The following FAM83C variants were observed in gnomAD, a reference collection of about 807,000 sequenced individuals.
FAM83C encodes the protein scaffolding CK1 anchoring protein C.
A neutral mutation model predicts 27.1 loss-of-function variants in FAM83C; 23 were observed. The observed-to-expected ratio is 0.85, with a 90% CI of 0.61 to 1.20. FAM83C has a LOEUF of 1.20. FAM83C is among the 50% of genes most tolerant of loss of function. The pLI is 0.00. For missense variants in FAM83C, 984 were observed against 1,001.3 expected (o/e 0.98, Z 0.23); for synonymous variants, 426 against 423.1 (o/e 1.01, Z -0.09).
rs371011447 is a variant in FAM83C at position 35,287,530 on chromosome 20, G to C, written c.1249C>G (p.Leu417Val). 6 of 1,614,070 alleles carry C rather than the reference G, an allele frequency of 3.7e-6. No homozygotes were observed. In the African/African-American group the frequency reaches 5.3e-5, roughly 14 times the overall value. Residue 417 changes from leucine (L) to valine (V), a missense_variant, in exon 4 of 4, where the codon CTA (leucine) becomes GTA (valine). Leu to Val is a conservative substitution (Grantham distance 32). Coordinates refer to ENST00000374408, the MANE Select transcript of FAM83C (RefSeq NM_178468.6). Reference protein sequence around the residue: ...PGLYRANLGKLGAYPWSQSSP... With the variant: ...PGLYRANLGKVGAYPWSQSSP... ...GACTGGGACCATGGGTATGCCCCTA[G>C]CTTGCCGAGATTGGCCCTATAGAGC...
chr20:35,288,772 GCCC>G lies in FAM83C; in HGVS notation c.681+16_681+18del, dbSNP rs1470622070. On this transcript the variant is annotated intron_variant, in intron 2 of 3. Coordinates refer to ENST00000374408, the MANE Select transcript of FAM83C (RefSeq NM_178468.6). ...CTCCCCGCCCACACCCCTGGTTACT[GCCC>G]CTGGTCCTCACTGACCGGCAGGTGC... is the stretch of plus-strand genomic sequence containing the variant. The G allele has an allele frequency of 3.8e-6, 6 of 1,592,562 alleles. No homozygotes were observed. In the South Asian group the frequency reaches 6.8e-5, roughly 18 times the overall value.
In FAM83C at chr20:35,286,454, G is replaced by A; in HGVS notation, c.*81C>T. On this transcript the variant is annotated 3_prime_UTR_variant, in exon 4 of 4. Coordinates refer to ENST00000374408, the MANE Select transcript of FAM83C (RefSeq NM_178468.6). ...TCTAGACACCTCCCTTCCCCAGTCT[G>A]GGACCTGAGCAAGTCCAGAGTCTCG... 7.1e-7 allele frequency: 1 copy of A among 1,408,912 alleles called. No homozygotes were observed. The highest frequency in any genetic ancestry group is 1.4e-5 in the African/African-American group (1 of 69,746). The allele number at this position is 1,408,912 out of a possible 1,614,324, so 87.3% of individuals were successfully genotyped here. A position where few individuals can be genotyped will look rare whatever the true frequency, so the allele number is the denominator to read the frequency against.
rs1293117056 is a variant in FAM83C, at chr20:35,288,794, C to T, written c.678G>A (p.Leu226=). ...CYKMDLNGEH[L]PNMRVRSTCG... is the part of the protein sequence containing the mutation. Reference sequence around the variant, plus strand: ...ACTGCCCCTGGTCCTCACTGACCGGCAGGTGCTCCCCATTGAGGTCCATCT... The same window carrying T: ...ACTGCCCCTGGTCCTCACTGACCGGTAGGTGCTCCCCATTGAGGTCCATCT... Residue 226 remains leucine (L), a synonymous_variant, in exon 2 of 4, where the codon CTG becomes CTA. Coordinates refer to ENST00000374408, the MANE Select transcript of FAM83C (RefSeq NM_178468.6). 6.2e-6 allele frequency: 10 copies of T among 1,608,424 alleles called. No homozygotes were observed. Among genetic ancestry groups the T allele is most frequent in the East Asian group, 2.2e-5 (1 of 44,812 alleles).
chr20:35,286,464 C>G lies in FAM83C; in HGVS notation c.*71G>C. The G allele has an allele frequency of 1.4e-6, 2 of 1,458,654 alleles. No homozygotes were observed. The highest frequency in any genetic ancestry group is 1.8e-6 in the Non-Finnish European group (2 of 1,094,144). The allele number at this position is 1,458,654 out of a possible 1,614,324, so 90.4% of individuals were successfully genotyped here. ...TCCCTTCCCCAGTCTGGGACCTGAG[C>G]AAGTCCAGAGTCTCGGTGGACAGAG... On this transcript the variant is annotated 3_prime_UTR_variant, in exon 4 of 4. Transcript: ENST00000374408.
intron 1 of FAM83C, among the ~76,000 whole-genome samples, chr20:35,290,539 C>T (rs972543356): frequency 1.3e-5 from 2 of 152,210 alleles, no homozygotes; most frequent in Non-Finnish European, 2.9e-5. Flanking sequence ...TGAAAATGCT[C>T]AAGACATAAC....
chr20:35,289,062 C>T (rs1226831192), intron 1 of FAM83C, 104 bp from the exon 2 acceptor site: 5 of 1,436,032 alleles, frequency 3.5e-6, no homozygotes, highest in Admixed American at 4.5e-5. Context: ...GAGTACTGGA[C>T]TGAAAATCAG....
In FAM83C at chr20:35,286,573, A is replaced by T. The variant is rs767651407; in HGVS notation, c.2206T>A (p.Ser736Thr). 11 of 1,613,422 alleles carry T rather than the reference A, an allele frequency of 6.8e-6. No homozygotes were observed. The Admixed American group carries it at 1.8e-4, about 27-fold the overall frequency. Residue 736 changes from serine (S) to threonine (T), a missense_variant, in exon 4 of 4, where the codon TCC (serine) becomes ACC (threonine). Coordinates refer to ENST00000374408, the MANE Select transcript of FAM83C (RefSeq NM_178468.6). ...CGGCTTCGGAGCTGCTTGAACTTGG[A>T]CTTGTTGTACTTAGTGATGAGGTCC... ...KLDLITKYNK[S>T]KFKQLRSRFE...
In FAM83C at chr20:35,291,945, G is replaced by C. The variant is rs1249182367; in HGVS notation, c.360C>G (p.Ala120=). The part of the protein sequence containing the change: ...EVTSGTYFPM[A]SDIDPPDLDL... ...CCAGGTCTGGGGGGTCTATGTCAGA[G>C]GCCATGGGGAAGTAAGTCCCTGAGG... Residue 120 remains alanine, a synonymous_variant, in exon 1 of 4, where the codon GCC becomes GCG. Coordinates refer to ENST00000374408, the MANE Select transcript of FAM83C (RefSeq NM_178468.6). The C allele has an allele frequency of 6.2e-7, 1 of 1,610,686 alleles. No individual in the cohort carries two copies. The highest frequency in any genetic ancestry group is 1.3e-5 in the African/African-American group (1 of 74,850).
chr20:35,290,005 G>T (rs1385750288), intron 1 of FAM83C, among the ~76,000 whole-genome samples: 1 of 152,144 alleles, frequency 6.6e-6, no homozygotes, highest in African/African-American at 2.4e-5. Context: ...CTGACCCAGG[G>T]ACTGTCTGTC....
In FAM83C at chr20:35,287,566, A is replaced by G. The variant is rs149545885; in HGVS notation, c.1213T>C (p.Ser405Pro). The G allele has an allele frequency of 1.1e-3, 1,836 of 1,613,980 alleles. 1 individual carries two copies. Among genetic ancestry groups the G allele is most frequent in the Non-Finnish European group, 1.4e-3 (1,611 of 1,179,988 alleles). ...TTGGCCCTATAGAGCCCAGGAGGGG[A>G]GCCGTGGTTAGGGTCTGACAGTTGG... Reference protein sequence around the residue: ...HRQLSDPNHGSPPGLYRANLG... With the variant: ...HRQLSDPNHGPPPGLYRANLG... The change falls in exon 4 of 4, where the codon TCC (serine) becomes CCC (proline). Residue 405 changes from serine to proline, a missense_variant. Transcript: ENST00000374408.
chr20:35,288,674 A>G, intron 2 of FAM83C, 89 bp from the exon 3 acceptor site: 1 of 1,568,956 alleles, frequency 6.4e-7, no homozygotes, highest in Non-Finnish European at 8.7e-7. Flanking sequence ...CAGACAGCTA[A>G]GGGAACCCAC....
At chr20:35,289,109 G>T (rs1395464668) in intron 1 of FAM83C, 151 bp from the exon 2 acceptor site, 7 of 955,750 alleles carry the variant, frequency 7.3e-6, no homozygotes, top group Non-Finnish European at 1.1e-5. Context: ...AACAGGAAGG[G>T]CACTTAGCAG....
chr20:35,287,295 T>C lies in FAM83C; in HGVS notation c.1484A>G (p.Lys495Arg). 1 of 1,613,466 alleles carries C rather than the reference T, an allele frequency of 6.2e-7. No individual in the cohort carries two copies. The highest frequency in any genetic ancestry group is 8.5e-7 in the Non-Finnish European group (1 of 1,180,014). Reference sequence around the variant, plus strand: ...CTGACTTGGAGATGCCTTCTTCTCCTTCTCCTCCACTGTCTCCAGGGTTGT... The same window carrying C: ...CTGACTTGGAGATGCCTTCTTCTCCCTCTCCTCCACTGTCTCCAGGGTTGT... ...PGTTLETVEE[K>R]EKKASPSQSR... Residue 495 changes from lysine to arginine, a missense_variant, in exon 4 of 4, where the codon AAG becomes AGG. Lys to Arg is a conservative substitution (Grantham distance 26, BLOSUM62 2). Transcript: ENST00000374408.
rs2060823087 is a variant in FAM83C at position 35,286,238 on chromosome 20, C to G, written c.*297G>C. 1 of 377,192 alleles carries G rather than the reference C, an allele frequency of 2.7e-6. No homozygotes were observed. Among genetic ancestry groups the G allele is most frequent in the African/African-American group, 2.1e-5 (1 of 48,368 alleles). The allele number at this position is 377,192 out of a possible 1,614,324, so 23.4% of individuals were successfully genotyped here. On this transcript the variant is annotated 3_prime_UTR_variant, in exon 4 of 4. Transcript: ENST00000374408. ...ACTTGATATGGCTCTGACCCCTTCTCCAGCAGCTTGTGCATTTCACCTCTG... is the reference window on the plus strand; with the variant it reads ...ACTTGATATGGCTCTGACCCCTTCTGCAGCAGCTTGTGCATTTCACCTCTG...
rs139838804 is a variant in FAM83C, at chr20:35,287,597, T to G, written c.1182A>C (p.Leu394=). The G allele has an allele frequency of 5.0e-6, 8 of 1,613,718 alleles. No individual in the cohort carries two copies. Among genetic ancestry groups the G allele is most frequent in the Middle Eastern group, 1.6e-4 (1 of 6,084 alleles). Residue 394 remains leucine (L), a synonymous_variant, in exon 4 of 4, where the codon CTA becomes CTC. Coordinates refer to ENST00000374408, the MANE Select transcript of FAM83C (RefSeq NM_178468.6). ...GGTTAGGGTCTGACAGTTGGCGATG[T>G]AGGGAGGGCTGGCCACTGGCCTCAC... ...ARREASGQPS[L]HRQLSDPNHG...
rs189198068 is a variant in FAM83C, at chr20:35,288,311, C to T, written c.806+150G>A. ...GAGTGAGCTCCTCCAGGGCCGATGC[C>T]CCCGACACCCTCCCCTGAGCCTGGC... On this transcript the variant is annotated intron_variant, in intron 3 of 3. Coordinates refer to ENST00000374408, the MANE Select transcript of FAM83C (RefSeq NM_178468.6). 9,964 of 1,405,170 alleles carry T rather than the reference C, an allele frequency of 7.1e-3. 44 individuals carry two copies. Among genetic ancestry groups the T allele is most frequent in the Middle Eastern group, 0.012 (44 of 3,812 alleles). The allele number at this position is 1,405,170 out of a possible 1,614,324, so 87.0% of individuals were successfully genotyped here.
In FAM83C at chr20:35,287,191, TG is replaced by T. The variant is rs750986507; in HGVS notation, c.1587del (p.Asn530ThrfsTer58). 2 of 1,610,230 alleles carry T rather than the reference TG, an allele frequency of 1.2e-6. No individual in the cohort carries two copies. The highest frequency in any genetic ancestry group is 1.7e-6 in the Non-Finnish European group (2 of 1,179,906). ...TCGCCAGGCCGAAGGGGGCCTGAGTTGGGGGTAACCCCAGAGTCAGGGTCTC... is the reference window on the plus strand; with the variant it reads ...TCGCCAGGCCGAAGGGGGCCTGAGTTGGGGTAACCCCAGAGTCAGGGTCTC... ...EVGDPDSGVT[P>X]NSGPLRPGEQ... On this transcript the variant is annotated frameshift_variant, in exon 4 of 4. Transcript: ENST00000374408. LOFTEE classifies it low-confidence loss of function (END_TRUNC).
rs771491114 is a variant in FAM83C, at chr20:35,288,576, C to T, written c.691G>A (p.Val231Met). 47 of 1,614,052 alleles carry T rather than the reference C, an allele frequency of 2.9e-5. No homozygotes were observed. The South Asian group carries it at 4.5e-4, about 15-fold the overall frequency. The change falls in exon 3 of 4, where the codon GTG becomes ATG. Residue 231 changes from valine (V) to methionine (M), a missense_variant. Val to Met is a conservative substitution (Grantham distance 21). Coordinates refer to ENST00000374408, the MANE Select transcript of FAM83C (RefSeq NM_178468.6). ...LNGEHLPNMR[V>M]RSTCGDTYCS... ...TATGTGTCCCCACACGTGCTCCGCA[C>T]ACGCATGTTCTAGGTGGAAGTAGGT...
Position 35,286,653 on chromosome 20 carries a change from C to T in FAM83C, c.2126G>A (p.Gly709Asp). ...GGPKGGHLNG[G>D]NSDLVRDEKR... is the part of the protein sequence containing the mutation. ...CTCATCCCTGACCAGGTCACTGTTA[C>T]CACCATTGAGATGGCCACCCTTGGG... The change falls in exon 4 of 4, where the codon GGT becomes GAT. Residue 709 changes from glycine to aspartate, a missense_variant. By Grantham distance (94) the Gly-to-Asp change is moderately conservative. Coordinates refer to ENST00000374408, the MANE Select transcript of FAM83C (RefSeq NM_178468.6). The T allele has an allele frequency of 6.2e-7, 1 of 1,614,016 alleles. No homozygotes were observed. Among genetic ancestry groups the T allele is most frequent in the Non-Finnish European group, 8.5e-7 (1 of 1,179,976 alleles).
Sources: gnomAD v4.1 joint callset for allele counts (sites outside exome capture counted in the v4.1 genomes callset) on GRCh38, gnomAD v4.1.1 for gene constraint, MANE v1.5 for transcripts, NCBI Gene and HGNC (gene_info 2026-07-23, HGNC 2026-07-21) for gene names.